The following ODAD4 variants were observed in gnomAD, a reference collection of about 807,000 sequenced individuals.
ODAD4 encodes outer dynein arm docking complex subunit 4.
Under a neutral mutation model 51.8 loss-of-function variants are expected in ODAD4, and 49 were observed. The observed-to-expected ratio is 0.95, with a 90% CI of 0.75 to 1.20. The LOEUF (loss-of-function observed/expected upper bound fraction) is 1.20. Ranked by LOEUF, ODAD4 falls within the 50% of genes most tolerant of loss-of-function variation. The pLI is 0.00. For synonymous variants in ODAD4, 235 were observed against 221.3 expected, an observed-to-expected ratio of 1.06 and a Z score of -0.55; for missense variants, 590 against 586.5, an observed-to-expected ratio of 1.01 and a Z score of -0.06.
chr17:41,957,370 C>A (rs544379174), intron 10 of ODAD4, among the ~76,000 whole-genome samples: 17 of 152,148 alleles, frequency 1.1e-4, no homozygotes, highest in Admixed American at 2.6e-4. Flanking sequence ...AGATCCCTCA[C>A]GTGCCGTTCA....
At chr17:41,940,430 C>G (rs2050490392) in intron 7 of ODAD4, among the ~76,000 whole-genome samples, 1 of 152,182 alleles carries the variant, frequency 6.6e-6, no homozygotes, top group African/African-American at 2.4e-5. Context: ...TCAAACGTTC[C>G]TGAACATTCC....
At chr17:41,939,284 A>G in intron 7 of ODAD4, 112 bp downstream of exon 7, 2 of 1,056,172 alleles carry the variant, frequency 1.9e-6, no homozygotes, top group Non-Finnish European at 2.7e-6. Context: ...TCTGCTCTGC[A>G]TGCCTGAGGT....
At chr17:41,938,915 A>G (rs781955754) in intron 6 of ODAD4, 50 bp from the exon 7 acceptor site, 5 of 1,588,682 alleles carry the variant, frequency 3.1e-6, no homozygotes, top group Non-Finnish European at 4.3e-6. Context: ...TTACCCTGTC[A>G]GCTAAGAGGA....
chr17:41,941,812 C>T (rs1344704662), intron 7 of ODAD4, among the ~76,000 whole-genome samples: 3 of 152,054 alleles, frequency 2.0e-5, no homozygotes, highest in African/African-American at 4.8e-5. Context: ...GCCTGCTGCC[C>T]CAGGGGTTAC....
intron 1 of ODAD4, among the ~76,000 whole-genome samples, chr17:41,932,568 AG>A (rs1313740413): frequency 6.6e-6 from 1 of 152,032 alleles, no homozygotes; most frequent in Admixed American, 6.6e-5. Context: ...TTTCAGAGAC[AG>A]GATCTCGTTC....
intron 1 of ODAD4, among the ~76,000 whole-genome samples, chr17:41,934,578 T>A (rs1027670225): frequency 6.6e-6 from 1 of 151,960 alleles, no homozygotes; most frequent in Admixed American, 6.6e-5. Context: ...TCTCAAACTC[T>A]TGGGCTCAAG....
intron 7 of ODAD4, among the ~76,000 whole-genome samples, chr17:41,942,100 C>A (rs1334326111): frequency 6.6e-6 from 1 of 152,092 alleles, no homozygotes; most frequent in Non-Finnish European, 1.5e-5. Context: ...GGCAGCCCGG[C>A]TAATTTTGTG....
At chr17:41,962,086 TC>T in intron 11 of ODAD4, among the ~76,000 whole-genome samples, 1 of 152,164 alleles carries the variant, frequency 6.6e-6, no homozygotes, top group Non-Finnish European at 1.5e-5. Flanking sequence ...CTTTGGGGGC[TC>T]TTACTGTGTG....
chr17:41,938,416 C>T, intron 5 of ODAD4, 141 bp from the exon 6 acceptor site: 1 of 674,490 alleles, frequency 1.5e-6, no homozygotes, highest in East Asian at 2.7e-5. Context: ...CCACTATGCG[C>T]ACTCACACTC....
chr17:41,948,399 T>G (rs1398130598), intron 8 of ODAD4, among the ~76,000 whole-genome samples: 1 of 150,996 alleles, frequency 6.6e-6, no homozygotes, highest in East Asian at 2.0e-4. Flanking sequence ...TCACTGCAAT[T>G]TCAACCTCTC....
chr17:41,952,473 G>A (rs544290810), intron 9 of ODAD4, among the ~76,000 whole-genome samples: 25 of 133,476 alleles, frequency 1.9e-4, no homozygotes, highest in Admixed American at 5.3e-4. Flanking sequence ...GGTTGAGACC[G>A]CAGTGAGCCA....
chr17:41,957,617 C>T (rs1396822416), intron 10 of ODAD4, among the ~76,000 whole-genome samples: 1 of 152,144 alleles, frequency 6.6e-6, no homozygotes, highest in Non-Finnish European at 1.5e-5. Context: ...CCTTTTATTA[C>T]TTCCTGGCTG....
chr17:41,934,001 C>T (rs1555637340), intron 1 of ODAD4, among the ~76,000 whole-genome samples: 6 of 134,460 alleles, frequency 4.5e-5, no homozygotes, highest in Admixed American at 1.5e-4. Context: ...TCTTGTTTTT[C>T]ATTTTTCTTT....
intron 5 of ODAD4, among the ~76,000 whole-genome samples, 178 bp from the exon 6 acceptor site, chr17:41,938,378 GC>G (rs1490536314): frequency 6.6e-6 from 1 of 152,168 alleles, no homozygotes; most frequent in Non-Finnish European, 1.5e-5. Context: ...GGCTCTGGCT[GC>G]CTCCTGGCCT....
intron 9 of ODAD4, among the ~76,000 whole-genome samples, chr17:41,951,831 C>G (rs1567936147): frequency 6.9e-6 from 1 of 145,742 alleles, no homozygotes; most frequent in Non-Finnish European, 1.5e-5. Flanking sequence ...TTGCAGTGAG[C>G]CCAGATTGCG....
At chr17:41,951,620 A>C (rs941501228) in intron 9 of ODAD4, among the ~76,000 whole-genome samples, 1 of 151,486 alleles carries the variant, frequency 6.6e-6, no homozygotes, top group Non-Finnish European at 1.5e-5. Flanking sequence ...ACGGTGGCTC[A>C]CGCATGTAAT....
At chr17:41,940,326 C>T (rs2144501083) in intron 7 of ODAD4, among the ~76,000 whole-genome samples, 1 of 152,354 alleles carries the variant, frequency 6.6e-6, no homozygotes, top group East Asian at 1.9e-4. Context: ...CTGGGCCCCT[C>T]ACTGCCTGCA....
intron 1 of ODAD4, among the ~76,000 whole-genome samples, 188 bp downstream of exon 1, chr17:41,931,025 C>T (rs1405998250): frequency 2.0e-5 from 3 of 151,008 alleles, no homozygotes; most frequent in Non-Finnish European, 2.9e-5. Context: ...TCCCAAGTAG[C>T]TGGGACTACA....
rs782585246 is a variant in ODAD4 at position 41,936,809 on chromosome 17, C to T, written c.507C>T (p.His169=). The T allele has an allele frequency of 9.3e-6, 15 of 1,613,864 alleles. No individual in the cohort carries two copies. The highest frequency in any genetic ancestry group is 1.2e-5 in the Non-Finnish European group (14 of 1,179,898). ...CTCAGCCCATGAAACACCTCTTACA[C>T]CCCACCAAGGGAGAGCCCAAGTGGA... ...QKPQPMKHLL[H]PTKGEPKWKA... Residue 169 remains histidine, a synonymous_variant, in exon 5 of 12, where the codon CAC becomes CAT. Transcript: ENST00000377540.
Sources: gnomAD v4.1 joint callset for allele counts (sites outside exome capture counted in the v4.1 genomes callset) on GRCh38, gnomAD v4.1.1 for gene constraint, MANE v1.5 for transcripts, NCBI Gene and HGNC (gene_info 2026-07-23, HGNC 2026-07-21) for gene names.